Variants in RUFY3 observed in about 807,000 individuals in gnomAD.
The protein encoded by RUFY3 is RUN and FYVE domain containing 3.
RUFY3 carries 34 observed loss-of-function variants against 84.0 expected under a neutral mutation model. That is an observed-to-expected ratio of 0.40 (90% CI 0.31 to 0.54). The LOEUF is 0.54. Ranked by LOEUF, RUFY3 falls within the 20% of genes least tolerant of loss-of-function variation. The probability of loss-of-function intolerance (pLI) is 0.39; values close to 1 mark genes in which losing one functional copy is unlikely to be tolerated. For missense variants in RUFY3, 507 were observed against 736.8 expected, an observed-to-expected ratio of 0.69 and a Z score of 3.61; for synonymous variants, 242 against 252.9, an observed-to-expected ratio of 0.96 and a Z score of 0.41.
chr4:70,752,038 C>G, intron 1 of RUFY3, among the ~76,000 whole-genome samples: 1 of 152,138 alleles, frequency 6.6e-6, no homozygotes, highest in East Asian at 1.9e-4. Context: ...ACTTAGGTCT[C>G]CCAAAGTGCT....
chr4:70,711,598 T>G (rs1028304982), intron 1 of RUFY3, among the ~76,000 whole-genome samples: 1 of 152,254 alleles, frequency 6.6e-6, no homozygotes, highest in Admixed American at 6.5e-5. Context: ...TCTGATCCAT[T>G]AAGTGCCTTT....
At chr4:70,782,973 C>G (rs1213196003) in intron 8 of RUFY3, 118 bp from the exon 9 acceptor site, 1 of 637,426 alleles carries the variant, frequency 1.6e-6, no homozygotes, top group Non-Finnish European at 2.7e-6. Context: ...TGGGTTATAG[C>G]TTCCTTGCTT....
At chr4:70,735,248 G>A (rs1373358407) in intron 1 of RUFY3, among the ~76,000 whole-genome samples, 1 of 152,182 alleles carries the variant, frequency 6.6e-6, no homozygotes, top group African/African-American at 2.4e-5. Flanking sequence ...GGGAGGTGGA[G>A]AGTATATAAT....
chr4:70,737,924 A>C (rs1434094794), intron 1 of RUFY3, among the ~76,000 whole-genome samples: 4 of 149,106 alleles, frequency 2.7e-5, no homozygotes, highest in Admixed American at 6.7e-5. Flanking sequence ...CTGCCTGCTT[A>C]GGCTTCCCAA....
intron 1 of RUFY3, among the ~76,000 whole-genome samples, chr4:70,723,679 CTT>C (rs1322254355): frequency 6.6e-6 from 1 of 151,940 alleles, no homozygotes; most frequent in Non-Finnish European, 1.5e-5. Context: ...ATTCTCTGTC[CTT>C]ATACTGATGA....
chr4:70,788,336 C>T (rs943592078), intron 10 of RUFY3, among the ~76,000 whole-genome samples: 2 of 151,830 alleles, frequency 1.3e-5, no homozygotes, highest in African/African-American at 4.8e-5. Context: ...TCATCATCCT[C>T]AGTAATTGCG....
chr4:70,727,843 G>A (rs146722380), intron 1 of RUFY3, among the ~76,000 whole-genome samples: 4 of 151,510 alleles, frequency 2.6e-5, no homozygotes, highest in Admixed American at 6.6e-5. Flanking sequence ...TTATGTATAC[G>A]CATGTCCACA....
At chr4:70,799,013 G>C (rs898347445) in intron 14 of RUFY3, among the ~76,000 whole-genome samples, 13 of 150,648 alleles carry the variant, frequency 8.6e-5, no homozygotes, top group Non-Finnish European at 1.8e-4. Flanking sequence ...GCCATCAATG[G>C]TGGGCGCCTG....
intron 10 of RUFY3, among the ~76,000 whole-genome samples, chr4:70,788,482 T>C (rs1730280580): frequency 6.6e-6 from 1 of 152,108 alleles, no homozygotes; most frequent in African/African-American, 2.4e-5. Flanking sequence ...ATTTCTATAA[T>C]AAGATATGAC....
At chr4:70,777,572 A>G (rs908772885) in intron 7 of RUFY3, among the ~76,000 whole-genome samples, 2 of 152,184 alleles carry the variant, frequency 1.3e-5, no homozygotes, top group Non-Finnish European at 2.9e-5. Context: ...CCAAGAACTA[A>G]TATAATGACT....
At chr4:70,765,128 C>T (rs1336515176) in intron 4 of RUFY3, among the ~76,000 whole-genome samples, 1 of 147,474 alleles carries the variant, frequency 6.8e-6, no homozygotes, top group Non-Finnish European at 1.5e-5. Flanking sequence ...GTAGAAGCTG[C>T]AGTGATCCGA....
chr4:70,740,139 A>G (rs909651288), intron 1 of RUFY3, among the ~76,000 whole-genome samples: 10 of 152,196 alleles, frequency 6.6e-5, no homozygotes, highest in Non-Finnish European at 1.5e-4. Context: ...AGTGACTCAA[A>G]GGACCTTGAG....
chr4:70,773,015 A>T (rs1296342093), intron 5 of RUFY3, among the ~76,000 whole-genome samples: 3 of 152,242 alleles, frequency 2.0e-5, no homozygotes, highest in African/African-American at 7.2e-5. Context: ...GCAATCTTGA[A>T]AAATGAAGAC....
upstream of RUFY3, among the ~76,000 whole-genome samples, chr4:70,717,511 T>TA (rs961013766): frequency 2.6e-5 from 4 of 152,088 alleles, no homozygotes; most frequent in African/African-American, 7.2e-5. Flanking sequence ...TGGAGGCTGA[T>TA]AAAAAAAATT....
At chr4:70,735,780 A>G (rs1002028901) in intron 1 of RUFY3, among the ~76,000 whole-genome samples, 1 of 152,096 alleles carries the variant, frequency 6.6e-6, no homozygotes, top group African/African-American at 2.4e-5. Flanking sequence ...TGAGGTCAGG[A>G]GTTCGAGACC....
intron 1 of RUFY3, among the ~76,000 whole-genome samples, chr4:70,755,923 C>T (rs1723934371): frequency 6.6e-6 from 1 of 151,460 alleles, no homozygotes; most frequent in African/African-American, 2.4e-5. Context: ...TGCACTCCAT[C>T]CCGGGTGACA....
intron 10 of RUFY3, among the ~76,000 whole-genome samples, 159 bp downstream of exon 10, chr4:70,785,038 A>G (rs1490215745): frequency 6.6e-6 from 1 of 152,208 alleles, no homozygotes; most frequent in Non-Finnish European, 1.5e-5. Context: ...CACATTCCTT[A>G]TCATACTTTC....
chr4:70,735,841 A>G (rs1012405322), intron 1 of RUFY3, among the ~76,000 whole-genome samples: 1 of 152,076 alleles, frequency 6.6e-6, no homozygotes, highest in Non-Finnish European at 1.5e-5. Flanking sequence ...ACAAAATATT[A>G]GCCGGGCATG....
At chr4:70,779,584 CTTTT>C (rs779419538) in intron 8 of RUFY3, among the ~76,000 whole-genome samples, 1 of 130,500 alleles carries the variant, frequency 7.7e-6, no homozygotes. Context: ...ATTTCTTTTT[CTTTT>C]TTTTTTTTTT....
Sources: gnomAD v4.1 joint callset for allele counts (sites outside exome capture counted in the v4.1 genomes callset) on GRCh38, gnomAD v4.1.1 for gene constraint, MANE v1.5 for transcripts, NCBI Gene and HGNC (gene_info 2026-07-23, HGNC 2026-07-21) for gene names.